LARGE1: variants seen among roughly 807,000 people sequenced by gnomAD.
LARGE1 encodes the protein LARGE xylosyl- and glucuronyltransferase 1, also known as xylosyl- and glucuronyltransferase LARGE1.
In LARGE1, 43 loss-of-function variants were observed where a neutral mutation model predicts 87.6. The ratio of observed to expected loss-of-function variants is 0.49; its 90% CI spans 0.38 to 0.63. The LOEUF (loss-of-function observed/expected upper bound fraction) is 0.63. LARGE1 is among the 30% of genes least tolerant of loss of function. The pLI, the probability that LARGE1 is intolerant of heterozygous loss-of-function variation, is 0.00. For missense variants in LARGE1, 802 were observed against 1,000.2 expected, an observed-to-expected ratio of 0.80 and a Z score of 2.67; for synonymous variants, 434 against 394.6, an observed-to-expected ratio of 1.10 and a Z score of -1.18.
downstream of LARGE1, among the ~76,000 whole-genome samples, chr22:33,272,298 T>C (rs1276117150): frequency 6.6e-6 from 1 of 152,200 alleles, no homozygotes; most frequent in Non-Finnish European, 1.5e-5. Context: ...AGTGCCTCTG[T>C]ATCTGTGTAT....
At chr22:33,549,607 TG>T (rs2077465759) in intron 6 of LARGE1, among the ~76,000 whole-genome samples, 1 of 152,224 alleles carries the variant, frequency 6.6e-6, no homozygotes, top group Non-Finnish European at 1.5e-5. Context: ...TCCATGGCCC[TG>T]GAAGTGAAAA....
chr22:33,150,188 C>G, the LARGE1 span, among the ~76,000 whole-genome samples: 1 of 152,172 alleles, frequency 6.6e-6, no homozygotes, highest in East Asian at 1.9e-4. Flanking sequence ...AGACACCAGG[C>G]CTCTTGTTCA....
chr22:33,731,076 C>T (rs1569412453), intron 2 of LARGE1, among the ~76,000 whole-genome samples: 1 of 149,666 alleles, frequency 6.7e-6, no homozygotes, highest in Non-Finnish European at 1.5e-5. Context: ...GATCTTGGCT[C>T]ACTGCAAGCT....
intron 11 of LARGE1, among the ~76,000 whole-genome samples, chr22:33,200,662 T>C (rs1379501832): frequency 6.6e-6 from 1 of 152,212 alleles, no homozygotes; most frequent in Non-Finnish European, 1.5e-5. Flanking sequence ...TCCTACAACC[T>C]GGATGAAATT....
intron 2 of LARGE1, among the ~76,000 whole-genome samples, chr22:33,731,859 C>T (rs2083480087): frequency 6.6e-6 from 1 of 152,178 alleles, no homozygotes; most frequent in Non-Finnish European, 1.5e-5. Context: ...GTATGTCTTT[C>T]ATCCTCTATA....
intron 5 of LARGE1, among the ~76,000 whole-genome samples, chr22:33,599,291 T>C (rs1809747875): frequency 6.6e-6 from 1 of 152,202 alleles, no homozygotes. Context: ...TAATCATACT[T>C]ATCTTTCCAA....
At chr22:33,222,421 C>A (rs935684237) in intron 11 of LARGE1, among the ~76,000 whole-genome samples, 10 of 152,100 alleles carry the variant, frequency 6.6e-5, no homozygotes, top group South Asian at 6.2e-4. Context: ...TGAATGGTGC[C>A]CCCCCACAAA....
chr22:33,745,324 T>C (rs1342577294), intron 2 of LARGE1, among the ~76,000 whole-genome samples: 3 of 152,116 alleles, frequency 2.0e-5, no homozygotes, highest in African/African-American at 7.2e-5. Flanking sequence ...ATTTTGTAAA[T>C]ACTCACTCTT....
chr22:33,495,515 T>G (rs1479796228), intron 6 of LARGE1, among the ~76,000 whole-genome samples: 1 of 152,054 alleles, frequency 6.6e-6, no homozygotes, highest in African/African-American at 2.4e-5. Flanking sequence ...GGTCAGGAGT[T>G]CGAGACCAGC....
the LARGE1 span, among the ~76,000 whole-genome samples, chr22:33,103,030 T>C: frequency 6.6e-6 from 1 of 152,030 alleles, no homozygotes; most frequent in African/African-American, 2.4e-5. Flanking sequence ...CCGCGGCCCC[T>C]GCCCCCCGCC....
chr22:33,831,083 T>C (rs1196803276), intron 1 of LARGE1, among the ~76,000 whole-genome samples: 2 of 150,168 alleles, frequency 1.3e-5, no homozygotes, highest in African/African-American at 5.0e-5. Flanking sequence ...TTAGCAGATA[T>C]TATTTTTTTC....
chr22:33,355,205 T>A (rs965056404), intron 9 of LARGE1, among the ~76,000 whole-genome samples: 1 of 152,218 alleles, frequency 6.6e-6, no homozygotes, highest in Non-Finnish European at 1.5e-5. Flanking sequence ...TCATTCGTAC[T>A]ATCCCTTTTT....
intron 2 of LARGE1, among the ~76,000 whole-genome samples, chr22:33,723,302 T>C (rs915370486): frequency 3.3e-5 from 5 of 152,236 alleles, no homozygotes; most frequent in Admixed American, 2.6e-4. Flanking sequence ...CAGATTTAGG[T>C]TCACGGTGTA....
chr22:33,912,880 A>G lies in LARGE1; in HGVS notation c.-83+7115T>C, dbSNP rs1601905037. On this transcript the variant is annotated intron_variant, in intron 1 of 14. Coordinates refer to ENST00000397394, the MANE Select transcript of LARGE1 (RefSeq NM_133642.5). ...CGAAGTCTCACTGTTTCCAGGCTGGAGCGCAATGGCTGTGATCTCGGCTCA... is the reference window on the plus strand; with the variant it reads ...CGAAGTCTCACTGTTTCCAGGCTGGGGCGCAATGGCTGTGATCTCGGCTCA... Among the ~76,000 whole-genome samples, 3 of 149,578 alleles carry G rather than the reference A, an allele frequency of 2.0e-5. 1 individual carries two copies. The South Asian group carries it at 6.3e-4, about 31-fold the overall frequency.
intron 1 of LARGE1, among the ~76,000 whole-genome samples, chr22:33,866,995 A>G (rs1262620390): frequency 6.6e-6 from 1 of 152,224 alleles, no homozygotes; most frequent in African/African-American, 2.4e-5. Context: ...ATTCTCAGCA[A>G]TGAAAAAGAA....
At chr22:33,333,026 G>GTTTTTTTTTTTTTA (rs1937943727) in intron 10 of LARGE1, among the ~76,000 whole-genome samples, 1 of 135,926 alleles carries the variant, frequency 7.4e-6, no homozygotes, top group African/African-American at 3.0e-5. Context: ...TTTTTTTTTT[G>GTTTTTTTTTTTTTA]GACGGAGTCT....
chr22:33,800,810 G>A (rs1375673890), intron 1 of LARGE1, among the ~76,000 whole-genome samples: 1 of 152,082 alleles, frequency 6.6e-6, no homozygotes, highest in Non-Finnish European at 1.5e-5. Flanking sequence ...CTTTGGGGTA[G>A]TTTATAAGTT....
At chr22:33,666,210 TCATAC>T (rs1470732417) in intron 2 of LARGE1, among the ~76,000 whole-genome samples, 3 of 152,106 alleles carry the variant, frequency 2.0e-5, no homozygotes, top group Non-Finnish European at 2.9e-5. Flanking sequence ...AGAATCCAAA[TCATAC>T]CATTTTTAAC....
chr22:33,749,984 T>C (rs2084252404), intron 2 of LARGE1, among the ~76,000 whole-genome samples: 1 of 152,188 alleles, frequency 6.6e-6, no homozygotes, highest in Non-Finnish European at 1.5e-5. Flanking sequence ...CCCTGAGCCT[T>C]AGTTTCCTCA....
Sources: gnomAD v4.1 joint callset for allele counts (sites outside exome capture counted in the v4.1 genomes callset) on GRCh38, gnomAD v4.1.1 for gene constraint, MANE v1.5 for transcripts, NCBI Gene and HGNC (gene_info 2026-07-23, HGNC 2026-07-21) for gene names.